Variants in RBM25 observed in about 807,000 individuals in gnomAD.
RBM25 encodes RNA binding motif protein 25.
RBM25 carries 19 observed loss-of-function variants against 120.7 expected under a neutral mutation model. The ratio of observed to expected loss-of-function variants is 0.16; its 90% CI spans 0.11 to 0.23. The LOEUF is 0.23. Among genes scored for constraint, RBM25 ranks in the 10% least tolerant of loss-of-function variants. The pLI is 1.00. For missense variants in RBM25, 605 were observed against 1,041.5 expected (o/e 0.58, Z 5.77); for synonymous variants, 390 against 326.7 (o/e 1.19, Z -2.09).
At chr14:73,080,465 T>G (rs1310554888) in intron 4 of RBM25, among the ~76,000 whole-genome samples, 1 of 152,090 alleles carries the variant, frequency 6.6e-6, no homozygotes, top group Admixed American at 6.6e-5. Context: ...CCTCGTGATC[T>G]GCCCGCTTTG....
intron 1 of RBM25, among the ~76,000 whole-genome samples, chr14:73,067,237 T>G (rs2140422995): frequency 6.6e-6 from 1 of 151,966 alleles, no homozygotes; most frequent in East Asian, 1.9e-4. Flanking sequence ...ACCCAGCTAA[T>G]CAGATACATA....
At chr14:73,071,501 C>A in intron 1 of RBM25, 126 bp from the exon 2 acceptor site, 1 of 672,836 alleles carries the variant, frequency 1.5e-6, no homozygotes, top group African/African-American at 1.8e-5. Context: ...AGGGTCTTTG[C>A]CAATTTCTTT....
At chr14:73,094,664 T>C (rs1219412163) in intron 6 of RBM25, among the ~76,000 whole-genome samples, 9 of 152,096 alleles carry the variant, frequency 5.9e-5, no homozygotes, top group Admixed American at 3.3e-4. Context: ...ATCTCCTGAC[T>C]TAGTGAGCCG....
rs1896521853 is a variant in RBM25 at position 73,120,546 on chromosome 14, A to T, written c.*741A>T. 1 of 152,544 alleles carries T rather than the reference A, an allele frequency of 6.6e-6. No homozygotes were observed. Among genetic ancestry groups the T allele is most frequent in the African/African-American group, 2.4e-5 (1 of 41,452 alleles). 9.4% of individuals were successfully genotyped at this position (152,544 alleles called of 1,614,324 possible). On this transcript the variant is annotated 3_prime_UTR_variant, in exon 19 of 19. Coordinates refer to ENST00000261973, the MANE Select transcript of RBM25 (RefSeq NM_021239.3). Reference sequence around the variant, plus strand: ...GCTAACTGGATGGGGTTTTCTTATTAATAAGATGGCTGCTTCAGCTTCTCT... The same window carrying T: ...GCTAACTGGATGGGGTTTTCTTATTTATAAGATGGCTGCTTCAGCTTCTCT...
rs148932890 is a variant in RBM25, at chr14:73,084,185, A to G, written c.382+634A>G. 9.3e-4 allele frequency among the ~76,000 whole-genome samples: 141 copies of G among 152,264 alleles called. 1 individual carries two copies. Among genetic ancestry groups the G allele is most frequent in the African/African-American group, 1.1e-3 (44 of 41,554 alleles). On this transcript the variant is annotated intron_variant, in intron 5 of 18. Transcript: ENST00000261973. ...AATGCTGGCATTACAGGCAGGAGCC[A>G]CCACACCTGACCTCAAATGTTAATT... is the stretch of plus-strand genomic sequence containing the variant.
At chr14:73,100,419 G>A in intron 9 of RBM25, 1 of 598,364 alleles carries the variant, frequency 1.7e-6, no homozygotes. Flanking sequence ...AGAAAAATAT[G>A]CAAAGGGGTA....
At chr14:73,090,530 A>G (rs1895790500) in intron 6 of RBM25, among the ~76,000 whole-genome samples, 1 of 152,162 alleles carries the variant, frequency 6.6e-6, no homozygotes. Flanking sequence ...ATCCATACTT[A>G]TAATTAACAT....
At chr14:73,066,482 C>G (rs1378303748) in intron 1 of RBM25, among the ~76,000 whole-genome samples, 1 of 151,910 alleles carries the variant, frequency 6.6e-6, no homozygotes, top group Non-Finnish European at 1.5e-5. Context: ...ACTAAAAATA[C>G]AAAAATTAGC....
At chr14:73,103,103 T>G (rs1240525704) in intron 9 of RBM25, 89 bp from the exon 10 acceptor site, 1 of 1,522,470 alleles carries the variant, frequency 6.6e-7, no homozygotes, top group Non-Finnish European at 8.8e-7. Flanking sequence ...GTTTGGTGTT[T>G]TTGTTCCCAG....
At chr14:73,090,838 A>G (rs537990779) in intron 6 of RBM25, among the ~76,000 whole-genome samples, 78 of 152,242 alleles carry the variant, frequency 5.1e-4, no homozygotes, top group Non-Finnish European at 8.7e-4. Context: ...ACATTTGTTA[A>G]TAGACGCTTA....
intron 5 of RBM25, among the ~76,000 whole-genome samples, chr14:73,086,353 G>C (rs1025805754): frequency 6.6e-5 from 10 of 151,216 alleles, no homozygotes; most frequent in Admixed American, 2.0e-4. Context: ...CAGGAGAATC[G>C]CTTCAACCCG....
intron 12 of RBM25, 46 bp downstream of exon 12, chr14:73,106,331 G>A: frequency 6.8e-7 from 1 of 1,460,358 alleles, no homozygotes; most frequent in Non-Finnish European, 9.3e-7. Context: ...TAAAAAGTCA[G>A]ATTGTATCTT....
In RBM25 at chr14:73,106,179, AAATTT is replaced by A. The variant is rs1313094762; in HGVS notation, c.1378-11_1378-7del. On this transcript the variant is annotated splice_polypyrimidine_tract_variant and intron_variant, in intron 11 of 18. Transcript: ENST00000261973. ...TATGTATAAATTTTTAAAGCTTTGAAAATTTAATTTTTTTAGCGCCTTAAGAATTG... is the reference window on the plus strand; with the variant it reads ...TATGTATAAATTTTTAAAGCTTTGAAAATTTTTTTAGCGCCTTAAGAATTG... 3 of 1,578,542 alleles carry A rather than the reference AAATTT, an allele frequency of 1.9e-6. No individual in the cohort carries two copies. The highest frequency in any genetic ancestry group is 2.6e-6 in the Non-Finnish European group (3 of 1,168,654).
At chr14:73,070,287 CCT>C (rs1192203088) in intron 1 of RBM25, among the ~76,000 whole-genome samples, 1 of 152,030 alleles carries the variant, frequency 6.6e-6, no homozygotes, top group African/African-American at 2.4e-5. Context: ...GAACTCCTGA[CCT>C]CAGGTTTTCC....
intron 2 of RBM25, among the ~76,000 whole-genome samples, chr14:73,072,792 T>C (rs1895325126): frequency 6.6e-6 from 1 of 152,210 alleles, no homozygotes; most frequent in Non-Finnish European, 1.5e-5. Flanking sequence ...CAAAAATCTT[T>C]GCTTATAAGA....
At chr14:73,084,236 A>T (rs214295) in intron 5 of RBM25, among the ~76,000 whole-genome samples, 109 of 152,222 alleles carry the variant, frequency 7.2e-4, no homozygotes, top group Non-Finnish European at 1.2e-3. Context: ...TTGATTCAGG[A>T]TCTATATGAA....
At chr14:73,104,450 C>T (rs1896137226) in intron 10 of RBM25, among the ~76,000 whole-genome samples, 2 of 151,348 alleles carry the variant, frequency 1.3e-5, no homozygotes, top group Admixed American at 1.3e-4. Flanking sequence ...CTCATTGCAA[C>T]CTTTGCCTCC....
Position 73,109,450 on chromosome 14 carries a change from T to G in RBM25, c.1650T>G (p.Leu550=). Residue 550 remains leucine (L), a synonymous_variant, in exon 14 of 19, where the codon CTT becomes CTG. Transcript: ENST00000261973. ...KEELEEIRQR[L]LAEGHPDPDA... ...AGCTTGAGGAAATCAGGCAGCGCCTTCTGGCAGAAGGGCATCCAGATCCAG... is the reference window on the plus strand; with the variant it reads ...AGCTTGAGGAAATCAGGCAGCGCCTGCTGGCAGAAGGGCATCCAGATCCAG... The G allele has an allele frequency of 6.2e-7, 1 of 1,614,116 alleles. No individual in the cohort carries two copies. The highest frequency in any genetic ancestry group is 1.1e-5 in the South Asian group (1 of 91,076).
At chr14:73,115,577 A>G (rs563237416) in intron 18 of RBM25, among the ~76,000 whole-genome samples, 1 of 152,314 alleles carries the variant, frequency 6.6e-6, no homozygotes, top group South Asian at 2.1e-4. Flanking sequence ...TGTTGTATTG[A>G]CAGTAAACAT....
Sources: allele counts gnomAD v4.1 joint callset (sites outside exome capture counted in the v4.1 genomes callset), GRCh38; gene constraint gnomAD v4.1.1; transcripts MANE v1.5; gene names NCBI Gene and HGNC (gene_info 2026-07-23, HGNC 2026-07-21).